Variants in SLC4A10 observed in about 807,000 individuals in gnomAD.
SLC4A10 encodes the protein solute carrier family 4 member 10, also known as sodium-driven chloride bicarbonate exchanger.
Under a neutral mutation model 137.7 loss-of-function variants are expected in SLC4A10, and 42 were observed. The observed-to-expected ratio is 0.30, with a 90% CI of 0.24 to 0.39. The LOEUF is 0.39. SLC4A10 is among the 10% of genes least tolerant of loss of function. The pLI, the probability that SLC4A10 is intolerant of heterozygous loss-of-function variation, is 1.00. For synonymous variants in SLC4A10, 474 were observed against 464.1 expected (o/e 1.02, Z -0.27); for missense variants, 925 against 1,355.0 (o/e 0.68, Z 4.98).
chr2:161,764,628 G>T (rs2050601616), intron 1 of SLC4A10, among the ~76,000 whole-genome samples: 1 of 152,116 alleles, frequency 6.6e-6, no homozygotes. Flanking sequence ...CAGTAAATCA[G>T]AATAATGTAT....
chr2:161,873,511 A>T (rs984531612), intron 7 of SLC4A10, among the ~76,000 whole-genome samples: 29 of 141,010 alleles, frequency 2.1e-4, no homozygotes, highest in Non-Finnish European at 4.1e-4. Context: ...AGCCTGGGTG[A>T]CAGAGTGAGA....
At chr2:161,752,069 G>T (rs925998530) in intron 1 of SLC4A10, among the ~76,000 whole-genome samples, 30 of 151,886 alleles carry the variant, frequency 2.0e-4, no homozygotes, top group Admixed American at 1.8e-3. Flanking sequence ...TAAAGAAATG[G>T]AGGGTTGGGT....
At chr2:161,837,461 A>G (rs1179543492) in intron 3 of SLC4A10, among the ~76,000 whole-genome samples, 1 of 152,198 alleles carries the variant, frequency 6.6e-6, no homozygotes, top group African/African-American at 2.4e-5. Flanking sequence ...AAATAAATGA[A>G]GATACACATA....
intron 2 of SLC4A10, among the ~76,000 whole-genome samples, chr2:161,771,641 G>A (rs2051627687): frequency 6.6e-6 from 1 of 151,776 alleles, no homozygotes; most frequent in Admixed American, 6.6e-5. Context: ...TCAGGGTCCT[G>A]AACTATTAAA....
intron 2 of SLC4A10, among the ~76,000 whole-genome samples, chr2:161,775,359 G>T (rs2052191486): frequency 6.6e-6 from 1 of 151,872 alleles, no homozygotes; most frequent in South Asian, 2.1e-4. Context: ...CCTGTGGGAA[G>T]TACAACAGTA....
chr2:161,717,502 G>A (rs2045062666), intron 1 of SLC4A10, among the ~76,000 whole-genome samples: 1 of 152,092 alleles, frequency 6.6e-6, no homozygotes, highest in South Asian at 2.1e-4. Context: ...TAAGACGAAG[G>A]GATGTTGAAC....
intron 15 of SLC4A10, among the ~76,000 whole-genome samples, chr2:161,928,224 G>A (rs1303181534): frequency 6.7e-6 from 1 of 149,870 alleles, no homozygotes; most frequent in East Asian, 1.9e-4. Flanking sequence ...CCTTTGTAGG[G>A]ACATGGATGA....
intron 19 of SLC4A10, among the ~76,000 whole-genome samples, chr2:161,952,552 A>G (rs1694982859): frequency 1.3e-5 from 2 of 152,186 alleles, no homozygotes; most frequent in Admixed American, 6.5e-5. Flanking sequence ...TATGTAGTCA[A>G]AAGTTGTGTA....
chr2:161,931,264 G>A (rs765601772), intron 15 of SLC4A10: 1 of 152,474 alleles, frequency 6.6e-6, no homozygotes, highest in East Asian at 1.9e-4. Flanking sequence ...ATCATCCAGT[G>A]CATGTCAAAG....
At chr2:161,831,103 G>A (rs2058408420) in intron 3 of SLC4A10, among the ~76,000 whole-genome samples, 1 of 152,140 alleles carries the variant, frequency 6.6e-6, no homozygotes, top group African/African-American at 2.4e-5. Context: ...AATGTACCTA[G>A]ACTGTAATAG....
chr2:161,696,069 C>A (rs910673105), intron 1 of SLC4A10, among the ~76,000 whole-genome samples: 1 of 151,800 alleles, frequency 6.6e-6, no homozygotes, highest in African/African-American at 2.4e-5. Flanking sequence ...CCACTTCCCC[C>A]CACCCCACGA....
intron 15 of SLC4A10, among the ~76,000 whole-genome samples, chr2:161,907,351 C>T (rs1046557564): frequency 6.6e-6 from 1 of 152,154 alleles, no homozygotes; most frequent in Non-Finnish European, 1.5e-5. Flanking sequence ...CATTGATACA[C>T]GCCTTTTCAT....
At chr2:161,908,629 G>A (rs889870202) in intron 15 of SLC4A10, among the ~76,000 whole-genome samples, 1 of 151,800 alleles carries the variant, frequency 6.6e-6, no homozygotes, top group Non-Finnish European at 1.5e-5. Flanking sequence ...ATTGGGTTGG[G>A]AAAGGAGGCA....
At chr2:161,661,361 G>C (rs1271282240) in intron 1 of SLC4A10, among the ~76,000 whole-genome samples, 1 of 152,218 alleles carries the variant, frequency 6.6e-6, no homozygotes, top group Non-Finnish European at 1.5e-5. Context: ...TGTAGTCCCA[G>C]CTACTCTGGA....
At chr2:161,685,606 T>C (rs1315943846) in intron 1 of SLC4A10, among the ~76,000 whole-genome samples, 4 of 125,452 alleles carry the variant, frequency 3.2e-5, no homozygotes, top group Non-Finnish European at 6.6e-5. Context: ...AGAGTCTGTC[T>C]CAGAAAAACA....
Position 161,965,057 on chromosome 2 carries a change from G to T in SLC4A10, c.3043G>T (p.Ala1015Ser). 6.2e-7 allele frequency: 1 copy of T among 1,611,078 alleles called. No homozygotes were observed. Among genetic ancestry groups the T allele is most frequent in the East Asian group, 2.2e-5 (1 of 44,738 alleles). Reference sequence around the variant, plus strand: ...AGTTTATTATTTACTTCAGGTGTTAGCCCTGGTATTTGTAAGAAAGTTGAT... The same window carrying T: ...AGTTTATTATTTACTTCAGGTGTTATCCCTGGTATTTGTAAGAAAGTTGAT... ...AAIVFPMMVL[A>S]LVFVRKLMDL... The change falls in exon 23 of 27, where the codon GCC (alanine) becomes TCC (serine). Residue 1015 changes from alanine (A) to serine (S), a missense_variant. Ala to Ser is a moderately conservative substitution (Grantham distance 99). Around this residue, in one of 11 missense-constraint regions of SLC4A10, gnomAD observed 115 missense variants for 237.5 expected, o/e 0.48. Coordinates refer to ENST00000446997, the MANE Select transcript of SLC4A10 (RefSeq NM_001178015.2).
intron 10 of SLC4A10, among the ~76,000 whole-genome samples, chr2:161,886,454 ATC>A (rs1440003786): frequency 6.6e-6 from 1 of 152,168 alleles, no homozygotes; most frequent in African/African-American, 2.4e-5. Flanking sequence ...TCTCTACTAG[ATC>A]CTGAATATTT....
intron 2 of SLC4A10, among the ~76,000 whole-genome samples, chr2:161,803,648 C>G (rs576445122): frequency 4.6e-5 from 7 of 152,126 alleles, no homozygotes; most frequent in Admixed American, 2.6e-4. Flanking sequence ...CTTCTTTCAC[C>G]TAGCAATATG....
intron 1 of SLC4A10, among the ~76,000 whole-genome samples, chr2:161,674,194 C>T (rs2040040564): frequency 6.6e-6 from 1 of 152,244 alleles, no homozygotes; most frequent in Non-Finnish European, 1.5e-5. Flanking sequence ...AATGTGGCTT[C>T]ATGCAGGTCT....
Sources: gnomAD v4.1 joint callset for allele counts (sites outside exome capture counted in the v4.1 genomes callset) on GRCh38, gnomAD v4.1.1 for gene constraint, gnomAD v4.1.1 regional missense constraint, MANE v1.5 for transcripts, NCBI Gene and HGNC (gene_info 2026-07-23, HGNC 2026-07-21) for gene names.